The following PCCA variants were observed in gnomAD, a reference collection of about 807,000 sequenced individuals.
PCCA encodes propionyl-CoA carboxylase alpha chain, mitochondrial.
A neutral mutation model predicts 101.3 loss-of-function variants in PCCA; 74 were observed. The observed-to-expected ratio is 0.73, with a 90% CI of 0.61 to 0.89. PCCA has a LOEUF of 0.89. Ranked by LOEUF, PCCA falls within the 40% of genes least tolerant of loss-of-function variation. PCCA has a pLI of 0.00. For missense variants in PCCA, 891 were observed against 907.0 expected, an observed-to-expected ratio of 0.98 and a Z score of 0.23; for synonymous variants, 294 against 313.6, an observed-to-expected ratio of 0.94 and a Z score of 0.66.
At chr13:100,137,804 CT>C (rs34819598) in intron 4 of PCCA, among the ~76,000 whole-genome samples, 24,713 of 144,182 alleles carry the variant, frequency 0.17, 1,854 homozygotes, top group Middle Eastern at 0.24. Context: ...ATGTTTAAGT[CT>C]TTTTTTTTTT....
chr13:100,132,512 G>A (rs989269356), intron 4 of PCCA, among the ~76,000 whole-genome samples: 1 of 152,174 alleles, frequency 6.6e-6, no homozygotes, highest in Non-Finnish European at 1.5e-5. Flanking sequence ...TTATTACCGA[G>A]TAGTGTTGCA....
intron 18 of PCCA, among the ~76,000 whole-genome samples, chr13:100,341,685 C>CAT (rs1296710040): frequency 6.6e-6 from 1 of 152,020 alleles, no homozygotes; most frequent in Non-Finnish European, 1.5e-5. Flanking sequence ...ACCTGAATTT[C>CAT]ATATTTTTTA....
At chr13:100,402,707 G>A (rs2077440711) in intron 19 of PCCA, among the ~76,000 whole-genome samples, 1 of 152,176 alleles carries the variant, frequency 6.6e-6, no homozygotes, top group Admixed American at 6.5e-5. Flanking sequence ...TTAGCAGTGG[G>A]CAAGGGGTGG....
intron 21 of PCCA, among the ~76,000 whole-genome samples, chr13:100,470,724 T>TA (rs1344099193): frequency 1.2e-4 from 19 of 152,162 alleles, no homozygotes; most frequent in Non-Finnish European, 2.4e-4. Flanking sequence ...CATGGTGGCT[T>TA]ACGCTTGTAG....
At chr13:100,388,318 G>A (rs1203717771) in intron 19 of PCCA, among the ~76,000 whole-genome samples, 1 of 151,612 alleles carries the variant, frequency 6.6e-6, no homozygotes, top group African/African-American at 2.4e-5. Context: ...AAAAAAATTA[G>A]CCAGGCATGG....
intron 8 of PCCA, among the ~76,000 whole-genome samples, chr13:100,242,135 A>T (rs7328501): frequency 0.02 from 3,056 of 152,258 alleles, 117 homozygotes; most frequent in African/African-American, 0.07. Context: ...AGAATAGATT[A>T]AAAAAAGTGA....
At chr13:100,195,757 T>G (rs1292270249) in intron 6 of PCCA, among the ~76,000 whole-genome samples, 1 of 152,172 alleles carries the variant, frequency 6.6e-6, no homozygotes, top group African/African-American at 2.4e-5. Flanking sequence ...CATTAGGAAC[T>G]CAGAATAAGT....
chr13:100,470,653 A>C (rs1420598024), intron 21 of PCCA, among the ~76,000 whole-genome samples: 1 of 152,092 alleles, frequency 6.6e-6, no homozygotes, highest in Non-Finnish European at 1.5e-5. Context: ...TTGTCTCTGC[A>C]AAAAAATAAA....
rs185358735 is a variant in PCCA at position 100,441,771 on chromosome 13, G to A, written c.1846-7481G>A. On this transcript the variant is annotated intron_variant, in intron 20 of 23. Transcript: ENST00000376285. Reference sequence around the variant, plus strand: ...ATTTTTATGAAGAATTTTGCTATTAGCATATCAAGTGGTCAGTTCATATTT... The same window carrying A: ...ATTTTTATGAAGAATTTTGCTATTAACATATCAAGTGGTCAGTTCATATTT... Among the ~76,000 whole-genome samples, 177 of 152,206 alleles carry A rather than the reference G, an allele frequency of 1.2e-3. 2 individuals are homozygous for A. Among genetic ancestry groups the A allele is most frequent in the Non-Finnish European group, 5.6e-4 (38 of 68,010 alleles).
intron 6 of PCCA, among the ~76,000 whole-genome samples, chr13:100,176,041 G>A (rs1323168947): frequency 1.3e-5 from 2 of 152,200 alleles, no homozygotes; most frequent in African/African-American, 4.8e-5. Context: ...CAAAGGGCTT[G>A]ATAGGCCTCG....
chr13:100,215,509 G>T (rs1367484741), intron 7 of PCCA, among the ~76,000 whole-genome samples: 6 of 152,130 alleles, frequency 3.9e-5, no homozygotes, highest in African/African-American at 7.2e-5. Context: ...ATCTACAAGG[G>T]ATTGGTTCCA....
intron 8 of PCCA, among the ~76,000 whole-genome samples, chr13:100,243,396 C>T (rs2152534575): frequency 6.6e-6 from 1 of 152,244 alleles, no homozygotes; most frequent in East Asian, 1.9e-4. Flanking sequence ...CAGAATTTGA[C>T]TATAATTTTC....
intron 4 of PCCA, among the ~76,000 whole-genome samples, chr13:100,115,277 G>T (rs1395536845): frequency 1.3e-5 from 2 of 152,004 alleles, no homozygotes; most frequent in East Asian, 3.9e-4. Context: ...GCTTGGCAGG[G>T]TGTATGGAGC....
intron 4 of PCCA, among the ~76,000 whole-genome samples, chr13:100,119,087 C>T (rs971331720): frequency 3.9e-5 from 6 of 152,074 alleles, no homozygotes; most frequent in Non-Finnish European, 5.9e-5. Flanking sequence ...TTGCCTGAGC[C>T]TGATTACTTT....
intron 6 of PCCA, among the ~76,000 whole-genome samples, chr13:100,159,162 C>T (rs2054187811): frequency 7.7e-6 from 1 of 129,500 alleles, no homozygotes; most frequent in South Asian, 2.8e-4. Context: ...GGCATGATCT[C>T]GGCTCACTGC....
chr13:100,473,167 G>A (rs1489637626), intron 21 of PCCA: 2 of 152,210 alleles, frequency 1.3e-5, no homozygotes, highest in South Asian at 4.1e-4. Context: ...GTGACGTGGT[G>A]TACCTGTGCC....
intron 22 of PCCA, among the ~76,000 whole-genome samples, chr13:100,516,906 T>C (rs899280236): frequency 2.0e-5 from 3 of 152,186 alleles, no homozygotes; most frequent in Admixed American, 6.5e-5. Flanking sequence ...TGACTAGATA[T>C]GTAGGTTCGT....
chr13:100,179,871 C>T (rs1334652994), intron 6 of PCCA, among the ~76,000 whole-genome samples: 3 of 152,014 alleles, frequency 2.0e-5, no homozygotes, highest in African/African-American at 7.3e-5. Context: ...AGTAAGAGCT[C>T]TCCAGGCAGA....
chr13:100,452,817 C>T (rs922680585), intron 21 of PCCA, among the ~76,000 whole-genome samples: 2 of 152,106 alleles, frequency 1.3e-5, no homozygotes, highest in African/African-American at 4.8e-5. Flanking sequence ...CAAGGCCTGG[C>T]TTGGAGGAGG....
Sources: gnomAD v4.1 joint callset for allele counts (sites outside exome capture counted in the v4.1 genomes callset) on GRCh38, gnomAD v4.1.1 for gene constraint, MANE v1.5 for transcripts, NCBI Gene and HGNC (gene_info 2026-07-23, HGNC 2026-07-21) for gene names.